The following NAALADL2 variants were observed in gnomAD, a reference collection of about 807,000 sequenced individuals.
NAALADL2 encodes the protein N-acetylated alpha-linked acidic dipeptidase like 2, also known as inactive N-acetylated-alpha-linked acidic dipeptidase-like protein 2.
Under a neutral mutation model 87.2 loss-of-function variants are expected in NAALADL2, and 76 were observed. The observed-to-expected ratio is 0.87, with a 90% CI of 0.72 to 1.05. NAALADL2 has a LOEUF of 1.05. Among genes scored for constraint, NAALADL2 ranks in the 50% least tolerant of loss-of-function variants. NAALADL2 has a pLI of 0.00. For missense variants in NAALADL2, 1,089 were observed against 945.8 expected (o/e 1.15, Z -1.99); for synonymous variants, 354 against 331.0 (o/e 1.07, Z -0.75).
intron 10 of NAALADL2, among the ~76,000 whole-genome samples, chr3:175,611,537 G>T (rs1016834543): frequency 1.3e-5 from 2 of 152,060 alleles, no homozygotes; most frequent in African/African-American, 2.4e-5. Context: ...GAAGTTTAAT[G>T]TTCAATTGAA....
chr3:175,675,786 A>C (rs1734688753), intron 11 of NAALADL2: 1 of 152,176 alleles, frequency 6.6e-6, no homozygotes, highest in African/African-American at 2.4e-5. Flanking sequence ...TTTTGCTGAT[A>C]AGCTCATGAT....
At chr3:174,873,176 A>G (rs1331980943) in intron 1 of NAALADL2, among the ~76,000 whole-genome samples, 2 of 150,252 alleles carry the variant, frequency 1.3e-5, no homozygotes, top group African/African-American at 5.0e-5. Flanking sequence ...AATGAATTAA[A>G]CTAAAACTCA....
At chr3:175,144,715 T>G (rs1560086704) in intron 2 of NAALADL2, among the ~76,000 whole-genome samples, 1 of 151,996 alleles carries the variant, frequency 6.6e-6, no homozygotes, top group Non-Finnish European at 1.5e-5. Flanking sequence ...GTTTATTCTC[T>G]AAATCCCTGA....
At chr3:175,143,417 A>G (rs1730298931) in intron 2 of NAALADL2, among the ~76,000 whole-genome samples, 1 of 151,904 alleles carries the variant, frequency 6.6e-6, no homozygotes, top group Non-Finnish European at 1.5e-5. Context: ...TCACTTCTGA[A>G]AAGAGGCTAG....
At chr3:175,542,448 T>C (rs1712521935) in intron 9 of NAALADL2, among the ~76,000 whole-genome samples, 1 of 152,236 alleles carries the variant, frequency 6.6e-6, no homozygotes, top group Non-Finnish European at 1.5e-5. Flanking sequence ...AGTCCTGCAG[T>C]TGGCCCTGTG....
At chr3:174,608,003 T>C (rs2108629978) in intron 2 of NAALADL2, among the ~76,000 whole-genome samples, 1 of 152,162 alleles carries the variant, frequency 6.6e-6, no homozygotes, top group South Asian at 2.1e-4. Flanking sequence ...GAACTGAGGA[T>C]TAAGAAACTC....
At chr3:174,888,913 TA>T (rs1730534622) in intron 1 of NAALADL2, among the ~76,000 whole-genome samples, 2 of 152,302 alleles carry the variant, frequency 1.3e-5, no homozygotes, top group South Asian at 4.1e-4. Flanking sequence ...TGCGTGACAA[TA>T]AAACCATTTG....
intron 11 of NAALADL2, among the ~76,000 whole-genome samples, chr3:175,713,234 C>T (rs1488722510): frequency 6.6e-6 from 1 of 152,106 alleles, no homozygotes; most frequent in Non-Finnish European, 1.5e-5. Flanking sequence ...AAATGCTTAG[C>T]AGTTCAAGAC....
chr3:174,901,721 G>A (rs909980661), intron 1 of NAALADL2, among the ~76,000 whole-genome samples: 2 of 152,156 alleles, frequency 1.3e-5, no homozygotes, highest in African/African-American at 4.8e-5. Context: ...AATACTGGAG[G>A]TTATGGATGG....
intron 13 of NAALADL2, among the ~76,000 whole-genome samples, chr3:175,780,356 GCACACAAACA>G (rs1157091727): frequency 7.9e-5 from 12 of 151,602 alleles, no homozygotes; most frequent in African/African-American, 1.7e-4. Context: ...ACACACACAT[GCACACAAACA>G]CACACAAACA....
At chr3:175,518,308 A>C in intron 9 of NAALADL2, among the ~76,000 whole-genome samples, 1 of 152,168 alleles carries the variant, frequency 6.6e-6, no homozygotes, top group East Asian at 1.9e-4. Context: ...CTCTTTCCTA[A>C]ATTTTCAAAC....
chr3:175,525,935 C>G (rs10513735), intron 9 of NAALADL2, among the ~76,000 whole-genome samples: 10,766 of 152,206 alleles, frequency 0.071, 479 homozygotes, highest in South Asian at 0.12. Context: ...GATATAAAAG[C>G]CAACGCTGAG....
chr3:174,990,068 A>G (rs966384892), intron 1 of NAALADL2, among the ~76,000 whole-genome samples: 4 of 152,194 alleles, frequency 2.6e-5, no homozygotes, highest in Non-Finnish European at 4.4e-5. Flanking sequence ...AAGTAAATCA[A>G]TATGCATGAG....
At chr3:174,760,381 C>T (rs940149888) in intron 3 of NAALADL2, among the ~76,000 whole-genome samples, 2 of 152,214 alleles carry the variant, frequency 1.3e-5, no homozygotes, top group Non-Finnish European at 2.9e-5. Context: ...TTTTCCAGGT[C>T]AGCCAATACA....
intron 3 of NAALADL2, among the ~76,000 whole-genome samples, chr3:174,810,080 G>T (rs556955989): frequency 1.3e-5 from 2 of 152,256 alleles, no homozygotes; most frequent in African/African-American, 4.8e-5. Flanking sequence ...ACAGCCTACA[G>T]AACTGTGAGC....
chr3:174,804,774 G>T (rs1472192975), intron 3 of NAALADL2, among the ~76,000 whole-genome samples: 1 of 152,070 alleles, frequency 6.6e-6, no homozygotes, highest in Non-Finnish European at 1.5e-5. Context: ...TAGGGTTGAA[G>T]AATTCTAAAA....
At chr3:175,685,978 C>T (rs754472872) in intron 11 of NAALADL2, among the ~76,000 whole-genome samples, 1 of 152,182 alleles carries the variant, frequency 6.6e-6, no homozygotes, top group Non-Finnish European at 1.5e-5. Flanking sequence ...GTCAATTTGA[C>T]ACAGCAAACT....
intron 1 of NAALADL2, among the ~76,000 whole-genome samples, chr3:174,921,059 A>G (rs944192512): frequency 1.3e-5 from 2 of 152,222 alleles, no homozygotes; most frequent in Non-Finnish European, 2.9e-5. Context: ...TCACAATAAC[A>G]GATATAATAA....
At chr3:174,548,580 G>T (rs1331127284) in intron 1 of NAALADL2, among the ~76,000 whole-genome samples, 1 of 152,102 alleles carries the variant, frequency 6.6e-6, no homozygotes, top group African/African-American at 2.4e-5. Flanking sequence ...TCATCAGTTT[G>T]CTGGTGACAA....
Sources: gnomAD v4.1 joint callset for allele counts (sites outside exome capture counted in the v4.1 genomes callset) on GRCh38, gnomAD v4.1.1 for gene constraint, MANE v1.5 for transcripts, NCBI Gene and HGNC (gene_info 2026-07-23, HGNC 2026-07-21) for gene names.